Variants in PHLPP1 observed in about 807,000 individuals in gnomAD.
PHLPP1 encodes the protein PH domain leucine-rich repeat-containing protein phosphatase 1.
In PHLPP1, 42 loss-of-function variants were observed where a neutral mutation model predicts 117.2. That is an observed-to-expected ratio of 0.36 (90% confidence interval 0.28 to 0.46). The LOEUF is 0.46. Among genes scored for constraint, PHLPP1 ranks in the 20% least tolerant of loss-of-function variants. PHLPP1 has a pLI of 1.00. For missense variants in PHLPP1, 2,084 were observed against 2,241.9 expected (o/e 0.93, Z 1.42); for synonymous variants, 1,042 against 970.7 (o/e 1.07, Z -1.37).
chr18:62,822,561 G>A (rs865823141), intron 1 of PHLPP1, among the ~76,000 whole-genome samples: 4 of 152,096 alleles, frequency 2.6e-5, no homozygotes, highest in Middle Eastern at 3.2e-3. Context: ...TGGGATTACA[G>A]GCGTGAGCCA....
intron 14 of PHLPP1, among the ~76,000 whole-genome samples, chr18:62,968,835 A>G (rs1910975309): frequency 6.6e-6 from 1 of 152,034 alleles, no homozygotes; most frequent in South Asian, 2.1e-4. Context: ...TGCCCAGCCC[A>G]TTATTATGCT....
intron 1 of PHLPP1, among the ~76,000 whole-genome samples, chr18:62,733,456 A>G (rs781178114): frequency 3.9e-5 from 6 of 152,232 alleles, no homozygotes; most frequent in Non-Finnish European, 7.3e-5. Context: ...CAAAAAATTC[A>G]TGTGACTTTA....
intron 14 of PHLPP1, among the ~76,000 whole-genome samples, chr18:62,967,929 G>A (rs1427544933): frequency 6.6e-6 from 1 of 151,540 alleles, no homozygotes; most frequent in Non-Finnish European, 1.5e-5. Flanking sequence ...GGTTCAAGCA[G>A]TTCTCCACCT....
intron 10 of PHLPP1, among the ~76,000 whole-genome samples, chr18:62,921,007 G>A (rs1214015615): frequency 6.6e-6 from 1 of 152,150 alleles, no homozygotes; most frequent in African/African-American, 2.4e-5. Flanking sequence ...GGGAGGGAGA[G>A]GTTAATTTCA....
At chr18:62,961,064 A>C (rs1289949921) in intron 13 of PHLPP1, among the ~76,000 whole-genome samples, 1 of 152,180 alleles carries the variant, frequency 6.6e-6, no homozygotes, top group Admixed American at 6.5e-5. Flanking sequence ...TGGGAGGCCG[A>C]GGTGGGTAGA....
intron 13 of PHLPP1, among the ~76,000 whole-genome samples, chr18:62,961,581 G>C (rs1910770495): frequency 6.6e-6 from 1 of 152,104 alleles, no homozygotes. Context: ...GTATCTAAGA[G>C]CCTTAGGATA....
chr18:62,938,989 TC>T (rs1910051514), intron 10 of PHLPP1, among the ~76,000 whole-genome samples: 3 of 128,106 alleles, frequency 2.3e-5, no homozygotes, highest in Non-Finnish European at 5.0e-5. Context: ...TTTCTTTCTT[TC>T]TTTCTTTTTT....
chr18:62,780,925 A>G (rs970240694), intron 1 of PHLPP1, among the ~76,000 whole-genome samples: 1 of 152,168 alleles, frequency 6.6e-6, no homozygotes, highest in Non-Finnish European at 1.5e-5. Context: ...ACAGTTTTCA[A>G]TGCCAGTGGA....
chr18:62,954,294 A>AT (rs1476001186), intron 12 of PHLPP1, among the ~76,000 whole-genome samples: 1 of 152,172 alleles, frequency 6.6e-6, no homozygotes, highest in African/African-American at 2.4e-5. Context: ...GGGAAAGATA[A>AT]TTTTCTTTTA....
At chr18:62,872,131 C>T (rs1915920203) in intron 4 of PHLPP1, among the ~76,000 whole-genome samples, 1 of 152,160 alleles carries the variant, frequency 6.6e-6, no homozygotes, top group Non-Finnish European at 1.5e-5. Flanking sequence ...CAGATTTTTA[C>T]ATGTGCATAG....
chr18:62,821,160 G>A (rs1273370506), intron 1 of PHLPP1, among the ~76,000 whole-genome samples: 3 of 152,178 alleles, frequency 2.0e-5, no homozygotes, highest in African/African-American at 4.8e-5. Flanking sequence ...GACCTAGTGC[G>A]TTGGCTCACG....
rs534955369 is a variant in PHLPP1, at chr18:62,939,865, C to G, written c.2961-1853C>G. Among the ~76,000 whole-genome samples, 3 of 151,750 alleles carry G rather than the reference C, an allele frequency of 2.0e-5. No homozygotes were observed. In the East Asian group the frequency reaches 5.8e-4, roughly 29 times the overall value. On this transcript the variant is annotated intron_variant, in intron 10 of 16. Transcript: ENST00000262719. Reference sequence around the variant, plus strand: ...TTCTCTCCAAGATTAAAAATAACTGCCTGGTATTCTGTATTCTTTTTAAGG... The same window carrying G: ...TTCTCTCCAAGATTAAAAATAACTGGCTGGTATTCTGTATTCTTTTTAAGG...
intron 1 of PHLPP1, 136 bp downstream of exon 1, chr18:62,717,395 T>C: frequency 1.7e-6 from 2 of 1,179,092 alleles, no homozygotes; most frequent in African/African-American, 1.6e-5. Context: ...ACTTTACAGC[T>C]TTTTCATACA....
intron 1 of PHLPP1, among the ~76,000 whole-genome samples, chr18:62,818,695 A>G (rs1035324820): frequency 6.6e-6 from 1 of 152,328 alleles, no homozygotes; most frequent in African/African-American, 2.4e-5. Context: ...GGAATGAAGA[A>G]CAATGGAAAT....
intron 4 of PHLPP1, among the ~76,000 whole-genome samples, chr18:62,891,452 G>GT (rs1916407075): frequency 6.6e-6 from 1 of 152,060 alleles, no homozygotes. Context: ...GCCAAATGTG[G>GT]TTCTCGGCAC....
At chr18:62,977,904 A>G (rs1210946740) in intron 16 of PHLPP1, among the ~76,000 whole-genome samples, 1 of 152,204 alleles carries the variant, frequency 6.6e-6, no homozygotes, top group Non-Finnish European at 1.5e-5. Context: ...ATGTAAACCC[A>G]TGTTTACAGG....
At chr18:62,874,285 A>G (rs1270784967) in intron 4 of PHLPP1, among the ~76,000 whole-genome samples, 1 of 151,960 alleles carries the variant, frequency 6.6e-6, no homozygotes, top group Non-Finnish European at 1.5e-5. Context: ...AGGCAGGTAG[A>G]TTACCTGAGG....
intron 1 of PHLPP1, among the ~76,000 whole-genome samples, chr18:62,739,316 G>A (rs184522988): frequency 6.1e-4 from 93 of 152,304 alleles, no homozygotes; most frequent in African/African-American, 2.2e-3. Context: ...CTATGATTAT[G>A]TTTATATGAA....
intron 1 of PHLPP1, among the ~76,000 whole-genome samples, chr18:62,785,947 G>A (rs1369702632): frequency 2.0e-5 from 3 of 152,166 alleles, no homozygotes; most frequent in Non-Finnish European, 4.4e-5. Flanking sequence ...GATACACATA[G>A]GGAGATGACT....
Sources: gnomAD v4.1 joint callset for allele counts (sites outside exome capture counted in the v4.1 genomes callset) on GRCh38, gnomAD v4.1.1 for gene constraint, MANE v1.5 for transcripts, NCBI Gene and HGNC (gene_info 2026-07-23, HGNC 2026-07-21) for gene names.